SMYD5: variants seen among roughly 807,000 people sequenced by gnomAD.
SMYD5 encodes protein-lysine N-trimethyltransferase SMYD5.
SMYD5 carries 35 observed loss-of-function variants against 57.4 expected under a neutral mutation model. That is an observed-to-expected ratio of 0.61 (90% confidence interval 0.47 to 0.81). The LOEUF (loss-of-function observed/expected upper bound fraction) is 0.81. Ranked by LOEUF, SMYD5 falls within the 30% of genes least tolerant of loss-of-function variation. The pLI is 0.00. For synonymous variants in SMYD5, 198 were observed against 189.7 expected, an observed-to-expected ratio of 1.04 and a Z score of -0.36; for missense variants, 471 against 527.9, an observed-to-expected ratio of 0.89 and a Z score of 1.06.
chr2:73,218,713 G>T (rs2103711423), intron 1 of SMYD5, 148 bp from the exon 2 acceptor site: 1 of 625,326 alleles, frequency 1.6e-6, no homozygotes, highest in South Asian at 1.9e-5. Flanking sequence ...GTTATGGAGG[G>T]TGCTAACCAC....
Position 73,226,081 on chromosome 2 carries a change from T to A in SMYD5, c.*135T>A. Reference sequence around the variant, plus strand: ...CATTCCAGCCCTCTCTGCTAGAGGGTAGGAGAGAGCCTGGATCTCTGGCCC... The same window carrying A: ...CATTCCAGCCCTCTCTGCTAGAGGGAAGGAGAGAGCCTGGATCTCTGGCCC... On this transcript the variant is annotated 3_prime_UTR_variant, in exon 13 of 13. Transcript: ENST00000389501. 8.1e-7 allele frequency: 1 copy of A among 1,229,656 alleles called. No individual in the cohort carries two copies. Among genetic ancestry groups the A allele is most frequent in the Non-Finnish European group, 1.1e-6 (1 of 906,054 alleles). The allele number at this position is 1,229,656 out of a possible 1,614,324, so 76.2% of individuals were successfully genotyped here.
At chr2:73,220,339 T>G (rs1167474490) in intron 3 of SMYD5, 149 bp downstream of exon 3, 5 of 937,148 alleles carry the variant, frequency 5.3e-6, no homozygotes, top group Non-Finnish European at 7.9e-6. Flanking sequence ...GGCTTGGTTA[T>G]TGTTCCAGTT....
Position 73,220,185 on chromosome 2 carries a change from T to G in SMYD5, c.340T>G (p.Cys114Gly). The change falls in exon 3 of 13, where the codon TGC (cysteine) becomes GGC (glycine). Residue 114 changes from cysteine (C) to glycine (G), a missense_variant. Transcript: ENST00000389501. ...RKDLHQNCPHCQVMYCSAECR... is the reference protein window; with the variant it reads ...RKDLHQNCPHGQVMYCSAECR... ...AGACCTCCACCAGAACTGTCCCCAT[T>G]GCCAAGTGAGTATTCTTGGGGAGTG... The G allele has an allele frequency of 6.2e-7, 1 of 1,614,030 alleles. No homozygotes were observed. The highest frequency in any genetic ancestry group is 8.5e-7 in the Non-Finnish European group (1 of 1,179,946).
At chr2:73,220,928 A>G in intron 4 of SMYD5, 146 bp downstream of exon 4, 1 of 969,114 alleles carries the variant, frequency 1.0e-6, no homozygotes, top group South Asian at 1.7e-5. Context: ...ACATAACCCT[A>G]TCCCCTGCTT....
chr2:73,215,926 G>GTT (rs148910944), intron 1 of SMYD5, among the ~76,000 whole-genome samples: 15 of 150,892 alleles, frequency 9.9e-5, no homozygotes, highest in African/African-American at 2.7e-4. Context: ...GGTTATACTT[G>GTT]TTTTTTTTTG....
At chr2:73,214,508 G>C (rs1034356473) in intron 1 of SMYD5, 146 bp downstream of exon 1, 20 of 1,489,918 alleles carry the variant, frequency 1.3e-5, no homozygotes, top group Middle Eastern at 2.5e-4. Flanking sequence ...GGGGCTCCCA[G>C]TCTGTCCCTG....
chr2:73,221,453 A>G (rs994878505), intron 5 of SMYD5, among the ~76,000 whole-genome samples: 46 of 116,216 alleles, frequency 4.0e-4, no homozygotes, highest in Non-Finnish European at 7.4e-4. Context: ...TTTTTTTTGT[A>G]ACTTAAAGAC....
At position 73,214,280 on chromosome 2, in the gene SMYD5, T is replaced by G. The variant is rs769997865; in HGVS notation, c.14T>G (p.Met5Arg). Residue 5 changes from methionine (M) to arginine (R), a missense_variant, in exon 1 of 13, where the codon ATG becomes AGG. Coordinates refer to ENST00000389501, the MANE Select transcript of SMYD5 (RefSeq NM_006062.3). MAAS[M>R]CDVFSFCVGV... is the part of the protein sequence containing the mutation. ...GGCGCGCCCAAGATGGCGGCCTCCATGTGCGACGTGTTCTCCTTCTGCGTG... is the reference window on the plus strand; with the variant it reads ...GGCGCGCCCAAGATGGCGGCCTCCAGGTGCGACGTGTTCTCCTTCTGCGTG... The G allele has an allele frequency of 6.7e-5, 108 of 1,613,660 alleles. No individual in the cohort carries two copies. Among genetic ancestry groups the G allele is most frequent in the Admixed American group, 8.3e-5 (5 of 59,976 alleles).
At chr2:73,219,766 A>G (rs1306921407) in intron 2 of SMYD5, among the ~76,000 whole-genome samples, 4 of 151,858 alleles carry the variant, frequency 2.6e-5, no homozygotes, top group Admixed American at 2.6e-4. Context: ...TGGGGGTGGT[A>G]GGGGAGCCCC....
chr2:73,215,222 C>T (rs1293408862), intron 1 of SMYD5, among the ~76,000 whole-genome samples: 1 of 152,154 alleles, frequency 6.6e-6, no homozygotes, highest in Non-Finnish European at 1.5e-5. Flanking sequence ...TTGTTTTGTC[C>T]AGCAGTATTT....
intron 7 of SMYD5, 97 bp downstream of exon 7, chr2:73,222,914 G>A: frequency 2.0e-6 from 3 of 1,504,502 alleles, no homozygotes; most frequent in Non-Finnish European, 2.8e-6. Context: ...CTGAGCCAAA[G>A]CCGACTTGGT....
chr2:73,223,880 A>C (rs1043483094), intron 9 of SMYD5, 67 bp from the exon 10 acceptor site: 2 of 1,453,342 alleles, frequency 1.4e-6, no homozygotes, highest in African/African-American at 2.8e-5. Context: ...CTGTCCGTGT[A>C]AGCCTCGTTT....
intron 5 of SMYD5, among the ~76,000 whole-genome samples, 198 bp downstream of exon 5, chr2:73,221,432 CTTTTTTT>C (rs57627686): frequency 7.8e-6 from 1 of 128,496 alleles, no homozygotes; most frequent in African/African-American, 2.9e-5. Context: ...TGCCTGTAGT[CTTTTTTT>C]TTTTTTTTTT....
intron 2 of SMYD5, 91 bp from the exon 3 acceptor site, chr2:73,219,960 C>A: frequency 6.7e-7 from 1 of 1,500,930 alleles, no homozygotes; most frequent in Non-Finnish European, 9.3e-7. Context: ...AGAATGGTGC[C>A]TGGCACATAG....
chr2:73,225,145 A>G, intron 11 of SMYD5, 185 bp downstream of exon 11: 1 of 562,764 alleles, frequency 1.8e-6, no homozygotes, highest in Non-Finnish European at 3.2e-6. Context: ...CTTTTTCAAA[A>G]TATGACTCCA....
Position 73,214,308 on chromosome 2 carries a change from C to T in SMYD5, c.42C>T (p.Gly14=), listed in dbSNP as rs752531568. Residue 14 remains glycine, a synonymous_variant, in exon 1 of 13, where the codon GGC becomes GGT. Coordinates refer to ENST00000389501, the MANE Select transcript of SMYD5 (RefSeq NM_006062.3). The stretch of plus-strand genomic sequence containing the variant: ...GCGACGTGTTCTCCTTCTGCGTGGG[C>T]GTGGCGGGCCGCGCGCGGGTCTCCG... ...SMCDVFSFCV[G]VAGRARVSVE... 38 of 1,613,462 alleles carry T rather than the reference C, an allele frequency of 2.4e-5. No individual in the cohort carries two copies. Among genetic ancestry groups the T allele is most frequent in the Middle Eastern group, 1.6e-4 (1 of 6,084 alleles).
intron 8 of SMYD5, 141 bp from the exon 9 acceptor site, chr2:73,223,285 G>T: frequency 1.2e-6 from 1 of 808,508 alleles, no homozygotes; most frequent in African/African-American, 1.7e-5. Context: ...GCCTCTGTTG[G>T]GGAAGATGGG....
intron 1 of SMYD5, 102 bp downstream of exon 1, chr2:73,214,464 C>A: frequency 1.3e-6 from 2 of 1,573,214 alleles, no homozygotes; most frequent in East Asian, 2.3e-5. Context: ...CTGTGCCGCT[C>A]GGACGCTACG....
At chr2:73,216,456 C>T (rs1353045080) in intron 1 of SMYD5, among the ~76,000 whole-genome samples, 1 of 151,820 alleles carries the variant, frequency 6.6e-6, no homozygotes, top group Admixed American at 6.6e-5. Flanking sequence ...TTTGGGAGGC[C>T]GAGAGGGGCG....
Sources: gnomAD v4.1 joint callset for allele counts (sites outside exome capture counted in the v4.1 genomes callset) on GRCh38, gnomAD v4.1.1 for gene constraint, MANE v1.5 for transcripts, NCBI Gene and HGNC (gene_info 2026-07-23, HGNC 2026-07-21) for gene names.